Variants in WWOX observed in about 807,000 individuals in gnomAD.
The protein encoded by WWOX is WW domain-containing oxidoreductase.
A neutral mutation model predicts 46.2 loss-of-function variants in WWOX; 69 were observed. The ratio of observed to expected loss-of-function variants is 1.49; its 90% CI spans 1.23 to 1.82. The LOEUF is 1.82. Among genes scored for constraint, WWOX ranks in the 40% most tolerant of loss-of-function variants. The pLI, the probability that WWOX is intolerant of heterozygous loss-of-function variation, is 0.00. For synonymous variants in WWOX, 359 were observed against 202.6 expected, an observed-to-expected ratio of 1.77 and a Z score of -6.56; for missense variants, 919 against 542.6, an observed-to-expected ratio of 1.69 and a Z score of -6.89.
intron 4 of WWOX, among the ~76,000 whole-genome samples, chr16:78,140,368 G>T (rs1009705265): frequency 6.6e-6 from 1 of 152,116 alleles, no homozygotes; most frequent in African/African-American, 2.4e-5. Flanking sequence ...TTCTGCTGTG[G>T]TATTAGTTTT....
At chr16:78,209,914 A>G (rs375063183) in intron 5 of WWOX, among the ~76,000 whole-genome samples, 104 of 152,216 alleles carry the variant, frequency 6.8e-4, no homozygotes, top group African/African-American at 2.4e-3. Context: ...CAGAATAGTA[A>G]TTTTCTTCGT....
At position 78,632,557 on chromosome 16, in the gene WWOX, A is replaced by ATTTT. The variant is rs545062752; in HGVS notation, c.1056+199823_1056+199826dup. 4.8e-4 allele frequency among the ~76,000 whole-genome samples: 36 copies of ATTTT among 74,746 alleles called. 10 individuals carry two copies. Among genetic ancestry groups the ATTTT allele is most frequent in the African/African-American group, 6.7e-4 (12 of 17,974 alleles). 49.0% of individuals were successfully genotyped at this position (74,746 alleles called of 152,430 possible). On this transcript the variant is annotated intron_variant, in intron 8 of 8. Transcript: ENST00000566780. ...CTCTCTTCCCCCACTTACTTGGCCA[A>ATTTT]TTTTTTTTTTTTTTTTTTTTTGGTG... is the stretch of plus-strand genomic sequence containing the variant.
intron 8 of WWOX, among the ~76,000 whole-genome samples, chr16:78,988,626 C>G (rs2046826677): frequency 6.6e-6 from 1 of 152,128 alleles, no homozygotes; most frequent in Admixed American, 6.5e-5. Context: ...AACCAGATGG[C>G]AAAAGGAAGT....
chr16:78,418,325 C>T (rs2082845614), intron 6 of WWOX, among the ~76,000 whole-genome samples: 1 of 151,700 alleles, frequency 6.6e-6, no homozygotes, highest in Admixed American at 6.6e-5. Flanking sequence ...GATTGCACCA[C>T]TGCACTCCAG....
intron 8 of WWOX, among the ~76,000 whole-genome samples, chr16:79,151,696 A>G (rs975246922): frequency 1.2e-4 from 18 of 152,096 alleles, no homozygotes; most frequent in Admixed American, 7.2e-4. Flanking sequence ...TGGCCACCCT[A>G]TCTCGTGTTG....
At chr16:78,380,638 A>G (rs960742958) in intron 5 of WWOX, among the ~76,000 whole-genome samples, 10 of 152,172 alleles carry the variant, frequency 6.6e-5, no homozygotes, top group Admixed American at 3.9e-4. Flanking sequence ...TAATCACAAT[A>G]TAAGGATCTA....
At chr16:78,477,189 A>T (rs996248722) in intron 8 of WWOX, among the ~76,000 whole-genome samples, 1 of 152,200 alleles carries the variant, frequency 6.6e-6, no homozygotes, top group African/African-American at 2.4e-5. Context: ...GAGTAGTCAC[A>T]GCAGTTGATG....
intron 8 of WWOX, among the ~76,000 whole-genome samples, chr16:78,772,452 A>G (rs563703995): frequency 9.2e-5 from 14 of 152,164 alleles, no homozygotes; most frequent in African/African-American, 1.4e-4. Context: ...ATTTGTGGAC[A>G]TTTAGGTTGA....
intron 5 of WWOX, among the ~76,000 whole-genome samples, chr16:78,236,263 A>T (rs553908320): frequency 5.9e-5 from 9 of 152,244 alleles, no homozygotes; most frequent in Non-Finnish European, 1.0e-4. Flanking sequence ...TATGCAAAGC[A>T]TACAAAGCTG....
intron 8 of WWOX, among the ~76,000 whole-genome samples, chr16:78,442,440 C>A (rs189414031): frequency 1.5e-4 from 23 of 152,168 alleles, no homozygotes; most frequent in Non-Finnish European, 3.1e-4. Flanking sequence ...CCATTTATCA[C>A]CCCCTCCCAC....
chr16:78,692,242 C>A (rs2048006099), intron 8 of WWOX, among the ~76,000 whole-genome samples: 1 of 152,260 alleles, frequency 6.6e-6, no homozygotes, highest in South Asian at 2.1e-4. Context: ...ATATCTAGTC[C>A]ATTTCTCTCA....
At chr16:78,799,092 T>C (rs1043196397) in intron 8 of WWOX, among the ~76,000 whole-genome samples, 1 of 152,244 alleles carries the variant, frequency 6.6e-6, no homozygotes, top group Non-Finnish European at 1.5e-5. Flanking sequence ...ATAAGTGTTT[T>C]TAAATTGTGT....
chr16:79,103,461 A>AT (rs1164436253), intron 8 of WWOX, among the ~76,000 whole-genome samples: 1 of 152,122 alleles, frequency 6.6e-6, no homozygotes, highest in Non-Finnish European at 1.5e-5. Context: ...CCTTCCTTGG[A>AT]TTTTGTGCCT....
chr16:78,185,923 C>G (rs1298615067), intron 5 of WWOX, among the ~76,000 whole-genome samples: 1 of 152,178 alleles, frequency 6.6e-6, no homozygotes, highest in African/African-American at 2.4e-5. Context: ...GCCTCGGCCT[C>G]CGAAAGCGTT....
At chr16:79,056,436 T>C (rs1190664046) in intron 8 of WWOX, among the ~76,000 whole-genome samples, 1 of 152,188 alleles carries the variant, frequency 6.6e-6, no homozygotes, top group East Asian at 1.9e-4. Flanking sequence ...GGTTTAAGGA[T>C]AGGTAAATGT....
At chr16:78,857,441 T>TC (rs1435573721) in intron 8 of WWOX, among the ~76,000 whole-genome samples, 1 of 152,196 alleles carries the variant, frequency 6.6e-6, no homozygotes, top group African/African-American at 2.4e-5. Flanking sequence ...AACCTTTTTT[T>TC]CCATGATGCA....
chr16:79,032,340 A>G (rs965552375), intron 8 of WWOX, among the ~76,000 whole-genome samples: 14 of 146,454 alleles, frequency 9.6e-5, no homozygotes, highest in African/African-American at 3.5e-4. Flanking sequence ...ATTATAATGT[A>G]TGTAATATAT....
At chr16:78,490,515 C>T (rs118049953) in intron 8 of WWOX, among the ~76,000 whole-genome samples, 1,708 of 152,210 alleles carry the variant, frequency 0.011, 21 homozygotes, top group Middle Eastern at 0.027. Context: ...CACGAACATG[C>T]GTTGTTTTCA....
In WWOX at chr16:78,761,838, G is replaced by T. The variant is rs76283671; in HGVS notation, c.1056+329086G>T. Among the ~76,000 whole-genome samples the T allele has an allele frequency of 1.5e-4, 23 of 152,202 alleles. No individual in the cohort carries two copies. The East Asian group carries it at 2.9e-3, about 19-fold the overall frequency. On this transcript the variant is annotated intron_variant, in intron 8 of 8. Coordinates refer to ENST00000566780, the MANE Select transcript of WWOX (RefSeq NM_016373.4). ...AGAAATCATGCAGTAAAGCTGACCC[G>T]ACATAGACTAACTTAAAACTAACTA...
Sources: gnomAD v4.1 joint callset for allele counts (sites outside exome capture counted in the v4.1 genomes callset) on GRCh38, gnomAD v4.1.1 for gene constraint, MANE v1.5 for transcripts, NCBI Gene and HGNC (gene_info 2026-07-23, HGNC 2026-07-21) for gene names.